The following TFEB variants were observed in gnomAD, a reference collection of about 807,000 sequenced individuals.
TFEB encodes the protein T-cell transcription factor EB.
Under a neutral mutation model 48.0 loss-of-function variants are expected in TFEB, and 12 were observed. The ratio of observed to expected loss-of-function variants is 0.25; its 90% confidence interval spans 0.16 to 0.40. The LOEUF is 0.40. Ranked by LOEUF, TFEB falls within the 10% of genes least tolerant of loss-of-function variation. The pLI is 1.00. For synonymous variants in TFEB, 244 were observed against 261.4 expected, an observed-to-expected ratio of 0.93 and a Z score of 0.64; for missense variants, 509 against 640.3, an observed-to-expected ratio of 0.79 and a Z score of 2.21.
At chr6:41,700,304 A>C (rs1010342243) in intron 1 of TFEB, among the ~76,000 whole-genome samples, 1 of 152,116 alleles carries the variant, frequency 6.6e-6, no homozygotes, top group Non-Finnish European at 1.5e-5. Flanking sequence ...GTCTCTACTA[A>C]AAATACAAAA....
At chr6:41,687,681 G>C in intron 6 of TFEB, 72 bp downstream of exon 6, 1 of 1,594,582 alleles carries the variant, frequency 6.3e-7, no homozygotes, top group Non-Finnish European at 8.6e-7. Context: ...GCAGGTCAGG[G>C]AGTGGCTTTT....
intron 1 of TFEB, among the ~76,000 whole-genome samples, chr6:41,697,504 C>CA (rs537860953): frequency 6.5e-5 from 1 of 15,494 alleles, no homozygotes; most frequent in Admixed American, 4.2e-4. Flanking sequence ...CTTCTCCAAA[C>CA]CCCCCCCCTT....
Position 41,690,728 on chromosome 6 carries a change from CGGA to C in TFEB, c.400_402del (p.Ser134del), listed in dbSNP as rs1561851335. The stretch of plus-strand genomic sequence containing the variant: ...GGGCTATTGGGAGCACTGTTGCCAG[CGGA>C]GGAGGACAGCACGTGTCCAGCTCGC... On this transcript the variant is annotated inframe_deletion, in exon 3 of 9. Transcript: ENST00000373033. The C allele has an allele frequency of 1.3e-6, 2 of 1,589,282 alleles. No individual in the cohort carries two copies. The highest frequency in any genetic ancestry group is 1.1e-5 in the South Asian group (1 of 88,650).
At chr6:41,699,465 GCCTC>G (rs1769780364) in intron 1 of TFEB, among the ~76,000 whole-genome samples, 1 of 152,218 alleles carries the variant, frequency 6.6e-6, no homozygotes, top group Admixed American at 6.5e-5. Context: ...GGGCAGGAAG[GCCTC>G]AGGCCAGCTT....
At chr6:41,708,063 G>A (rs1469749949) in intron 1 of TFEB, among the ~76,000 whole-genome samples, 1 of 152,250 alleles carries the variant, frequency 6.6e-6, no homozygotes, top group Admixed American at 6.5e-5. Context: ...TGCTGGCCTT[G>A]CACAAGGCCT....
At chr6:41,697,408 C>CAAAAAAAAAAAAA (rs56059829) in intron 1 of TFEB, among the ~76,000 whole-genome samples, 4,571 of 62,748 alleles carry the variant, frequency 0.073, 419 homozygotes, top group Non-Finnish European at 0.093. Flanking sequence ...AACTCCATCT[C>CAAAAAAAAAAAAA]AAAAAAAAAA....
At chr6:41,729,806 G>A (rs962373065) in intron 1 of TFEB, among the ~76,000 whole-genome samples, 1 of 152,186 alleles carries the variant, frequency 6.6e-6, no homozygotes. Context: ...TGCCCCTGGC[G>A]ACCTGCCTTC....
At chr6:41,707,420 G>A (rs1277372917) in intron 1 of TFEB, among the ~76,000 whole-genome samples, 2 of 152,182 alleles carry the variant, frequency 1.3e-5, no homozygotes, top group African/African-American at 4.8e-5. Flanking sequence ...AAAGGCTGGG[G>A]CTGGTGGCTG....
At chr6:41,736,084 A>G (rs1192023118), upstream of TFEB, 1 of 1,606,596 alleles carries the variant, frequency 6.2e-7, no homozygotes, top group Non-Finnish European at 8.5e-7. Context: ...AGTACAGGGT[A>G]AAATATGACA....
chr6:41,725,735 G>C (rs556241947), intron 1 of TFEB, among the ~76,000 whole-genome samples: 2 of 152,200 alleles, frequency 1.3e-5, no homozygotes, highest in African/African-American at 4.8e-5. Flanking sequence ...ATATATTATA[G>C]ATGTCAGCAA....
rs1046539193 is a variant in TFEB at position 41,724,238 on chromosome 6, T to A, written c.-23+11112A>T. On this transcript the variant is annotated intron_variant, in intron 1 of 8. Transcript: ENST00000373033. The surrounding 1 kb of genome is among the most constrained non-coding windows in gnomAD (Gnocchi z 4.4). ...CTGCCAAAGAGACTGGGCAGAGATT[T>A]CACTTAGTGCTTCTTTCTGGTGGCC... Among the ~76,000 whole-genome samples the A allele has an allele frequency of 2.0e-5, 3 of 152,240 alleles. No homozygotes were observed. Among genetic ancestry groups the A allele is most frequent in the African/African-American group, 4.8e-5 (2 of 41,474 alleles).
chr6:41,700,461 G>A (rs1341811370), intron 1 of TFEB, among the ~76,000 whole-genome samples: 1 of 113,916 alleles, frequency 8.8e-6, no homozygotes, highest in African/African-American at 4.0e-5. Context: ...GCGAGACTCC[G>A]TCTCAAAAAA....
rs1769308348 is a variant in TFEB, at chr6:41,691,375, T to G, written c.-22-140A>C. The G allele has an allele frequency of 1.1e-6, 1 of 907,596 alleles. No homozygotes were observed. Among genetic ancestry groups the G allele is most frequent in the Non-Finnish European group, 1.8e-6 (1 of 560,110 alleles). 56.2% of individuals were successfully genotyped at this position (907,596 alleles called of 1,614,324 possible). A position where few individuals can be genotyped will look rare whatever the true frequency, so the allele number is the denominator to read the frequency against. On this transcript the variant is annotated intron_variant, in intron 1 of 8. Coordinates refer to ENST00000373033, the MANE Select transcript of TFEB (RefSeq NM_001271944.2). The surrounding 1 kb of genome is among the most constrained non-coding windows in gnomAD (Gnocchi z 5.2). ...CCGAGCCCTGAGAGGGGAAGAGATT[T>G]GCCCAAGGTCACTGAGCAAGCGGGT...
At chr6:41,736,135 G>T (rs368415522), upstream of TFEB, 4 of 1,612,694 alleles carry the variant, frequency 2.5e-6, no homozygotes, top group East Asian at 8.9e-5. Flanking sequence ...CTACATTCAC[G>T]CCCCACTCAC....
chr6:41,698,373 A>C (rs1200378915), intron 1 of TFEB, among the ~76,000 whole-genome samples: 2 of 152,232 alleles, frequency 1.3e-5, no homozygotes, highest in Admixed American at 6.5e-5. Context: ...CCTCCCTGCG[A>C]TCAAAGAGTT....
chr6:41,731,353 T>C (rs569448802), intron 1 of TFEB, among the ~76,000 whole-genome samples: 1 of 152,260 alleles, frequency 6.6e-6, no homozygotes, highest in South Asian at 2.1e-4. Flanking sequence ...GGTCCAGTGC[T>C]CAATATATAG....
chr6:41,733,010 G>T (rs1187078602), intron 1 of TFEB: 24 of 985,440 alleles, frequency 2.4e-5, no homozygotes, highest in Non-Finnish European at 2.5e-5. Context: ...AACCCAGGGG[G>T]TGGCTGGGCT....
At chr6:41,726,975 G>C (rs1771238414) in intron 1 of TFEB, among the ~76,000 whole-genome samples, 1 of 152,162 alleles carries the variant, frequency 6.6e-6, no homozygotes, top group Admixed American at 6.5e-5. Context: ...GGGCTGTCTA[G>C]GGAGGGTCCC....
Position 41,723,404 on chromosome 6 carries a change from C to A in TFEB, c.-23+11946G>T. 9.2e-7 allele frequency: 1 copy of A among 1,086,054 alleles called. No individual in the cohort carries two copies. The highest frequency in any genetic ancestry group is 1.2e-6 in the Non-Finnish European group (1 of 805,774). The allele number at this position is 1,086,054 out of a possible 1,614,324, so 67.3% of individuals were successfully genotyped here. A position where few individuals can be genotyped will look rare whatever the true frequency, so the allele number is the denominator to read the frequency against. The stretch of plus-strand genomic sequence containing the variant: ...GCTAACACACATGGACACACATTCA[C>A]ACACATGCTCACACACATGCACACA... On this transcript the variant is annotated intron_variant, in intron 1 of 8. Transcript: ENST00000373033. This position sits in a 1 kb window ranked among gnomAD's most constrained non-coding sequence, Gnocchi z 6.0.
Sources: allele counts gnomAD v4.1 joint callset (sites outside exome capture counted in the v4.1 genomes callset), GRCh38; gene constraint gnomAD v4.1.1; non-coding constraint Gnocchi (gnomAD v3.1); transcripts MANE v1.5; gene names NCBI Gene and HGNC (gene_info 2026-07-23, HGNC 2026-07-21).